The following ARHGAP36 variants were observed in gnomAD, a reference collection of about 807,000 sequenced individuals.
The protein encoded by ARHGAP36 is rho GTPase-activating protein 36.
ARHGAP36 carries 7 observed loss-of-function variants against 32.9 expected under a neutral mutation model. That is an observed-to-expected ratio of 0.21 (90% CI 0.12 to 0.40). The LOEUF (loss-of-function observed/expected upper bound fraction) is 0.40. Among genes scored for constraint, ARHGAP36 ranks in the 10% least tolerant of loss-of-function variants. The pLI is 1.00. For missense variants in ARHGAP36, 383 were observed against 442.2 expected (o/e 0.87, Z 1.20); for synonymous variants, 165 against 168.3 (o/e 0.98, Z 0.15).
chrX:131,078,391 G>T (rs2079776254), intron 1 of ARHGAP36, among the ~76,000 whole-genome samples: 1 of 112,231 alleles, frequency 8.9e-6, no homozygotes, highest in South Asian at 3.7e-4. Flanking sequence ...TAGTGTTTCT[G>T]CAAATGTTTT....
At chrX:131,060,545 T>C (rs1323358750) in intron 1 of ARHGAP36, among the ~76,000 whole-genome samples, 1 of 112,752 alleles carries the variant, frequency 8.9e-6, no homozygotes, top group Non-Finnish European at 1.9e-5. Context: ...TTTATTCACA[T>C]TGAATTACTT....
intron 1 of ARHGAP36, among the ~76,000 whole-genome samples, chrX:131,074,655 C>T (rs1049836780): frequency 1.8e-5 from 2 of 111,820 alleles, no homozygotes; most frequent in Non-Finnish European, 3.8e-5. Context: ...TAAATTAGTG[C>T]AAGAAAGATG....
Position 131,084,809 on chromosome X carries a change from C to T in ARHGAP36, c.805-105C>T, listed in dbSNP as rs1313607865. The T allele has an allele frequency of 7.7e-6, 9 of 1,165,730 alleles. No homozygotes were observed. The African/African-American group carries it at 1.6e-4, about 21-fold the overall frequency. On this transcript the variant is annotated intron_variant, in intron 6 of 11. Transcript: ENST00000276211. ...TCTTCTTTGTAGCCCCCAGGCCCAC[C>T]ATATTGCCAGCTACCTCCACTGAAT...
chrX:131,081,042 G>T (rs2079794116), intron 1 of ARHGAP36, among the ~76,000 whole-genome samples: 1 of 111,348 alleles, frequency 9.0e-6, no homozygotes, highest in Non-Finnish European at 1.9e-5. Flanking sequence ...TATCATTGCT[G>T]GGCTAGCTTT....
At chrX:131,061,884 A>T (rs2079671045) in intron 1 of ARHGAP36, among the ~76,000 whole-genome samples, 1 of 112,726 alleles carries the variant, frequency 8.9e-6, no homozygotes, top group African/African-American at 3.2e-5. Flanking sequence ...CTGGCAGAAA[A>T]TAATACTCTT....
rs1408575031 is a variant in ARHGAP36, at chrX:131,088,869, T to C, written c.*84T>C. On this transcript the variant is annotated 3_prime_UTR_variant, in exon 12 of 12. Transcript: ENST00000276211. ...GTCACAGGAAACATTAAGGAGAGAG[T>C]TGAAGGTAAAGATCTGAAGGTAAGA... The C allele has an allele frequency of 1.8e-6, 2 of 1,115,303 alleles. No individual in the cohort carries two copies. Among genetic ancestry groups the C allele is most frequent in the South Asian group, 2.2e-5 (1 of 44,728 alleles). The allele number at this position is 1,115,303 out of a possible 1,213,427, so 91.9% of individuals were successfully genotyped here.
At position 131,085,988 on chromosome X, in the gene ARHGAP36, G is replaced by A. The variant is rs1379212369; in HGVS notation, c.1180G>A (p.Gly394Ser). ...TGCTCTCCTGAAAAAAGGAAAGTTT[G>A]GCAAGAGAGAGTCCAGGAAAACAAA... ...GSALLKKGKFGKRESRKTKLG... is the reference protein window; with the variant it reads ...GSALLKKGKFSKRESRKTKLG... The change falls in exon 9 of 12, where the codon GGC (glycine) becomes AGC (serine). Residue 394 changes from glycine (G) to serine (S), a missense_variant. Gly to Ser is a moderately conservative substitution (Grantham distance 56, BLOSUM62 0). Transcript: ENST00000276211. 5 of 1,211,440 alleles carry A rather than the reference G, an allele frequency of 4.1e-6. No homozygotes were observed. The highest frequency in any genetic ancestry group is 2.3e-4 in the Middle Eastern group (1 of 4,354).
At position 131,058,398 on chromosome X, in the gene ARHGAP36, A is replaced by C; in HGVS notation, c.-189A>C. ...ACTCAGCGCGGGTCATGGCGTGGATACTGGACTGCCTTTTCGCCTCGGCCT... is the reference window on the plus strand; with the variant it reads ...ACTCAGCGCGGGTCATGGCGTGGATCCTGGACTGCCTTTTCGCCTCGGCCT... On this transcript the variant is annotated 5_prime_UTR_variant, in exon 1 of 12. Coordinates refer to ENST00000276211, the MANE Select transcript of ARHGAP36 (RefSeq NM_144967.4). 1 of 1,115,788 alleles carries C rather than the reference A, an allele frequency of 9.0e-7. No homozygotes were observed. The highest frequency in any genetic ancestry group is 1.2e-6 in the Non-Finnish European group (1 of 847,468). The allele number at this position is 1,115,788 out of a possible 1,213,427, so 92.0% of individuals were successfully genotyped here.
intron 1 of ARHGAP36, among the ~76,000 whole-genome samples, chrX:131,073,288 C>A (rs1473538159): frequency 8.8e-6 from 1 of 113,122 alleles, no homozygotes; most frequent in Admixed American, 9.2e-5. Context: ...CTGCCTGGAG[C>A]TACCCAGGGG....
In ARHGAP36 at chrX:131,084,422, A is replaced by G. The variant is rs373976010; in HGVS notation, c.748+15A>G. The G allele has an allele frequency of 8.4e-7, 1 of 1,196,438 alleles. No homozygotes were observed. Among genetic ancestry groups the G allele is most frequent in the South Asian group, 1.8e-5 (1 of 54,313 alleles). On this transcript the variant is annotated intron_variant, in intron 5 of 11. Coordinates refer to ENST00000276211, the MANE Select transcript of ARHGAP36 (RefSeq NM_144967.4). Reference sequence around the variant, plus strand: ...TGAAAAACATGGTAAGGGAGCTGCAAATGGGTAAATCAAGGAAGGAAGCAA... The same window carrying G: ...TGAAAAACATGGTAAGGGAGCTGCAGATGGGTAAATCAAGGAAGGAAGCAA...
At chrX:131,075,517 A>G (rs886827213) in intron 1 of ARHGAP36, among the ~76,000 whole-genome samples, 2 of 109,125 alleles carry the variant, frequency 1.8e-5, no homozygotes, top group African/African-American at 6.8e-5. Flanking sequence ...TACCTTTCAT[A>G]ATAGTCTTTT....
chrX:131,068,387 T>C (rs1022765591), intron 1 of ARHGAP36, among the ~76,000 whole-genome samples: 1 of 112,285 alleles, frequency 8.9e-6, no homozygotes, highest in East Asian at 2.8e-4. Context: ...GATGCTCTTT[T>C]CCTTTTGACC....
intron 7 of ARHGAP36, 143 bp downstream of exon 7, chrX:131,085,207 A>T (rs957914596): frequency 1.4e-5 from 7 of 499,579 alleles, no homozygotes; most frequent in African/African-American, 2.5e-5. Context: ...CCTCTCCAGA[A>T]TATATACAAT....
At chrX:131,083,272 G>C (rs369052966) in intron 3 of ARHGAP36, 42 bp downstream of exon 3, 2 of 1,158,715 alleles carry the variant, frequency 1.7e-6, no homozygotes, top group Non-Finnish European at 2.3e-6. Flanking sequence ...GAAATAGAAT[G>C]CTAACCCCCT....
chrX:131,069,588 G>T (rs2079722034), intron 1 of ARHGAP36, among the ~76,000 whole-genome samples: 1 of 111,758 alleles, frequency 8.9e-6, no homozygotes, highest in South Asian at 3.8e-4. Context: ...AGTCTGGCAG[G>T]GGGGACATGG....
At position 131,088,726 on chromosome X, in the gene ARHGAP36, T is replaced by A; in HGVS notation, c.1585T>A (p.Leu529Met). The change falls in exon 12 of 12, where the codon TTG (leucine) becomes ATG (methionine). Residue 529 changes from leucine (L) to methionine (M), a missense_variant. By Grantham distance (15) the Leu-to-Met change is conservative (BLOSUM62 2). This residue lies in a region of ARHGAP36 where 227 missense variants were observed against 311.3 expected (regional missense o/e 0.73). Transcript: ENST00000276211. ...NPPIPEQDRPLLRVPREKEAK... is the reference protein window; with the variant it reads ...NPPIPEQDRPMLRVPREKEAK... ...TCCCATTCCGGAGCAAGACCGCCCA[T>A]TGCTCCGTGTGCCCCGGGAGAAGGA... 1.7e-6 allele frequency: 2 copies of A among 1,211,239 alleles called. No homozygotes were observed. The highest frequency in any genetic ancestry group is 5.9e-5 in the East Asian group (2 of 33,818).
At chrX:131,081,950 C>T in intron 2 of ARHGAP36, 32 bp downstream of exon 2, 1 of 1,202,513 alleles carries the variant, frequency 8.3e-7, no homozygotes, top group Non-Finnish European at 1.1e-6. Context: ...GGCATCCTCG[C>T]CTTCGGGAGA....
intron 1 of ARHGAP36, among the ~76,000 whole-genome samples, chrX:131,059,197 C>T (rs1190406983): frequency 1.8e-5 from 2 of 112,237 alleles, no homozygotes; most frequent in Non-Finnish European, 3.8e-5. Flanking sequence ...CACCCCTTTT[C>T]GGGAACTGCT....
intron 1 of ARHGAP36, 21 bp downstream of exon 1, chrX:131,058,465 CG>C: frequency 8.6e-6 from 9 of 1,045,733 alleles, no homozygotes; most frequent in South Asian, 2.9e-5. Context: ...CCCACCGAGT[CG>C]GGGGGCTGGG....
Sources: gnomAD v4.1 joint callset for allele counts (sites outside exome capture counted in the v4.1 genomes callset) on GRCh38, gnomAD v4.1.1 for gene constraint, gnomAD v4.1.1 regional missense constraint, MANE v1.5 for transcripts, NCBI Gene and HGNC (gene_info 2026-07-23, HGNC 2026-07-21) for gene names.